S100Z: variants seen among roughly 807,000 people sequenced by gnomAD.
S100Z encodes the protein S100 calcium binding protein Z.
Under a neutral mutation model 8.5 loss-of-function variants are expected in S100Z, and 11 were observed. The ratio of observed to expected loss-of-function variants is 1.30; its 90% CI spans 0.82 to 2.15. The LOEUF (loss-of-function observed/expected upper bound fraction) is 2.15. Among genes scored for constraint, S100Z ranks in the 30% most tolerant of loss-of-function variants. S100Z has a pLI of 0.00. For synonymous variants in S100Z, 34 were observed against 43.8 expected, an observed-to-expected ratio of 0.78 and a Z score of 0.89; for missense variants, 126 against 117.9, an observed-to-expected ratio of 1.07 and a Z score of -0.32.
At chr5:76,903,268 G>GT (rs1298678742) in intron 4 of S100Z, among the ~76,000 whole-genome samples, 2 of 152,028 alleles carry the variant, frequency 1.3e-5, no homozygotes, top group African/African-American at 4.8e-5. Flanking sequence ...CCACTGATTA[G>GT]TTTTTTGTTT....
At chr5:76,942,761 T>C in the S100Z span, among the ~76,000 whole-genome samples, 1 of 152,214 alleles carries the variant, frequency 6.6e-6, no homozygotes, top group Non-Finnish European at 1.5e-5. Context: ...GGCCCAAGGC[T>C]ATGCCTCACA....
the S100Z span, among the ~76,000 whole-genome samples, chr5:76,941,542 T>G: frequency 6.6e-6 from 1 of 152,176 alleles, no homozygotes; most frequent in Non-Finnish European, 1.5e-5. Flanking sequence ...TTAAACCTCT[T>G]TTTCTTTATA....
intron 4 of S100Z, among the ~76,000 whole-genome samples, chr5:76,913,614 G>T (rs747285217): frequency 5.3e-5 from 8 of 152,242 alleles, no homozygotes; most frequent in Non-Finnish European, 1.0e-4. Flanking sequence ...AGTGTAACAT[G>T]TATTATCCTA....
chr5:76,898,988 T>A (rs185673250), intron 4 of S100Z, among the ~76,000 whole-genome samples: 1 of 141,756 alleles, frequency 7.1e-6, no homozygotes, highest in Non-Finnish European at 1.5e-5. Context: ...CAGGCTGGAG[T>A]GCAATGACAC....
the S100Z span, among the ~76,000 whole-genome samples, chr5:76,944,213 G>C: frequency 0.061 from 9,256 of 152,182 alleles, 371 homozygotes; most frequent in Middle Eastern, 0.11. Context: ...CTCATTGCCT[G>C]GTGGGTGCCA....
At chr5:76,874,784 G>A (rs1743120230) in intron 2 of S100Z, among the ~76,000 whole-genome samples, 2 of 152,092 alleles carry the variant, frequency 1.3e-5, no homozygotes, top group South Asian at 4.2e-4. Context: ...ACCTCTTGGG[G>A]GTGTAGGGAT....
the S100Z span, among the ~76,000 whole-genome samples, chr5:76,942,806 G>A: frequency 1.3e-5 from 2 of 152,310 alleles, no homozygotes; most frequent in South Asian, 4.1e-4. Context: ...CACAGACAAA[G>A]GTTGTCATAC....
chr5:76,908,171 A>C (rs558808617), intron 4 of S100Z, among the ~76,000 whole-genome samples: 1 of 151,886 alleles, frequency 6.6e-6, no homozygotes, highest in African/African-American at 2.4e-5. Context: ...ACAACCTGCA[A>C]CTCTTTGGAG....
At chr5:76,904,032 G>A (rs1296161523) in intron 4 of S100Z, among the ~76,000 whole-genome samples, 1 of 151,954 alleles carries the variant, frequency 6.6e-6, no homozygotes, top group Admixed American at 6.6e-5. Flanking sequence ...ACTGTGCCCG[G>A]CCGACATCTA....
chr5:76,875,049 C>T (rs918013952), intron 2 of S100Z, among the ~76,000 whole-genome samples: 5 of 152,090 alleles, frequency 3.3e-5, no homozygotes, highest in Admixed American at 1.3e-4. Context: ...CCGCCGCGCC[C>T]GGCTAATTTT....
At chr5:76,872,981 A>G (rs2150636712) in intron 2 of S100Z, among the ~76,000 whole-genome samples, 1 of 152,242 alleles carries the variant, frequency 6.6e-6, no homozygotes, top group South Asian at 2.1e-4. Context: ...CTCAAAAATA[A>G]TAATAAATAA....
chr5:76,899,475 G>A (rs1173668163), intron 4 of S100Z, among the ~76,000 whole-genome samples: 1 of 150,038 alleles, frequency 6.7e-6, no homozygotes, highest in Admixed American at 6.7e-5. Context: ...CTCTGGTGAT[G>A]TGATTTAGTT....
chr5:76,896,539 G>A (rs1006448190), intron 4 of S100Z, among the ~76,000 whole-genome samples: 5 of 151,730 alleles, frequency 3.3e-5, no homozygotes, highest in African/African-American at 1.2e-4. Context: ...TTTCTTTTGG[G>A]TATATACTCA....
At chr5:76,904,910 T>A (rs1404545533) in intron 4 of S100Z, among the ~76,000 whole-genome samples, 1 of 152,216 alleles carries the variant, frequency 6.6e-6, no homozygotes, top group Non-Finnish European at 1.5e-5. Context: ...AAAAGTCAAA[T>A]TTATCAAATT....
At chr5:76,864,796 C>T (rs112003759) in intron 1 of S100Z, among the ~76,000 whole-genome samples, 148 of 152,240 alleles carry the variant, frequency 9.7e-4, no homozygotes, top group African/African-American at 3.3e-3. Flanking sequence ...GCAACCTCTG[C>T]CTCCCGGGTT....
At chr5:76,868,953 TTGTC>T (rs1178204416) in intron 1 of S100Z, among the ~76,000 whole-genome samples, 3 of 152,198 alleles carry the variant, frequency 2.0e-5, no homozygotes, top group Non-Finnish European at 2.9e-5. Context: ...GACATGACTG[TTGTC>T]TGTCTGTCTG....
At chr5:76,923,071 T>C (rs1745076977), downstream of S100Z, among the ~76,000 whole-genome samples, 3 of 151,888 alleles carry the variant, frequency 2.0e-5, no homozygotes, top group Non-Finnish European at 2.9e-5. Context: ...CCTAATAATT[T>C]AATAATTCCG....
At chr5:76,850,335 G>GGA (rs1172691001) in intron 1 of S100Z, among the ~76,000 whole-genome samples, 180 bp downstream of exon 1, 250 of 110,714 alleles carry the variant, frequency 2.3e-3, no homozygotes, top group Middle Eastern at 5.2e-3. Flanking sequence ...GGGGGGTGGG[G>GGA]GAGAGAGAGA....
downstream of S100Z, among the ~76,000 whole-genome samples, chr5:76,924,767 G>A (rs1458301479): frequency 6.6e-6 from 1 of 152,056 alleles, no homozygotes; most frequent in Admixed American, 6.6e-5. Flanking sequence ...AAAATTAGCC[G>A]GGCATGGTGG....
Sources: gnomAD v4.1 joint callset for allele counts (sites outside exome capture counted in the v4.1 genomes callset) on GRCh38, gnomAD v4.1.1 for gene constraint, MANE v1.5 for transcripts, NCBI Gene and HGNC (gene_info 2026-07-23, HGNC 2026-07-21) for gene names.